The following PIEZO1 variants were observed in gnomAD, a reference collection of about 807,000 sequenced individuals.
The protein encoded by PIEZO1 is piezo-type mechanosensitive ion channel component 1.
PIEZO1 carries 296 observed loss-of-function variants against 297.2 expected under a neutral mutation model. That is an observed-to-expected ratio of 1.00 (90% CI 0.91 to 1.10). The LOEUF (loss-of-function observed/expected upper bound fraction) is 1.10, where lower values mean the gene tolerates loss of function less well. Ranked by LOEUF, PIEZO1 falls within the 50% of genes least tolerant of loss-of-function variation. The pLI, the probability that PIEZO1 is intolerant of heterozygous loss-of-function variation, is 0.00. For synonymous variants in PIEZO1, 2,427 were observed against 1,507.5 expected, an observed-to-expected ratio of 1.61 and a Z score of -14.13; for missense variants, 5,018 against 3,455.5, an observed-to-expected ratio of 1.45 and a Z score of -11.34.
rs947713031 is a variant in PIEZO1, at chr16:88,734,353, C to A, written c.2180+3G>T. Reference sequence around the variant, plus strand: ...GGGCCGGACAGGGAGGGCGGGGCCGCACCTGTGAGCCCAGCGCGGGAGGCG... The same window carrying A: ...GGGCCGGACAGGGAGGGCGGGGCCGAACCTGTGAGCCCAGCGCGGGAGGCG... On this transcript the variant is annotated splice_donor_region_variant and intron_variant, in intron 16 of 50. Coordinates refer to ENST00000301015, the MANE Select transcript of PIEZO1 (RefSeq NM_001142864.4). The A allele has an allele frequency of 1.3e-6, 2 of 1,520,492 alleles. No individual in the cohort carries two copies. Among genetic ancestry groups the A allele is most frequent in the Non-Finnish European group, 8.8e-7 (1 of 1,130,680 alleles). The allele number at this position is 1,520,492 out of a possible 1,614,324, so 94.2% of individuals were successfully genotyped here.
rs1912494566 is a variant in PIEZO1 at position 88,721,986 on chromosome 16, A to G, written c.5036T>C (p.Val1679Ala). ...QGRALRLLRAVYQCVAAHSEL... is the reference protein window; with the variant it reads ...QGRALRLLRAAYQCVAAHSEL... ...CGAGTGGGCGGCCACACACTGGTAC[A>G]CGGCCCGCAGCAGCCGCAGCGCCCG... Residue 1679 changes from valine to alanine, a missense_variant, in exon 37 of 51, where the codon GTG (valine) becomes GCG (alanine). Coordinates refer to ENST00000301015, the MANE Select transcript of PIEZO1 (RefSeq NM_001142864.4). The G allele has an allele frequency of 6.5e-7, 1 of 1,549,754 alleles. No homozygotes were observed. Among genetic ancestry groups the G allele is most frequent in the South Asian group, 1.2e-5 (1 of 84,042 alleles).
chr16:88,722,337 G>C lies in PIEZO1; in HGVS notation c.4836C>G (p.Ser1612Arg). The change falls in exon 36 of 51, where the codon AGC (serine) becomes AGG (arginine). Residue 1612 changes from serine to arginine, a missense_variant. Ser to Arg is a moderately radical substitution (Grantham distance 110). Coordinates refer to ENST00000301015, the MANE Select transcript of PIEZO1 (RefSeq NM_001142864.4). The stretch of plus-strand genomic sequence containing the variant: ...TGCCACTGCGCGTGTGGTAGCCGGT[G>C]CTCAGGGGGCTGCCCATGTCGTCTG... ...SMTDDMGSPL[S>R]TGYHTRSGSE... 1 of 1,540,514 alleles carries C rather than the reference G, an allele frequency of 6.5e-7. No homozygotes were observed. The highest frequency in any genetic ancestry group is 1.7e-4 in the Middle Eastern group (1 of 5,952).
chr16:88,765,966 C>G (rs545940622), intron 1 of PIEZO1, among the ~76,000 whole-genome samples: 300 of 152,226 alleles, frequency 2.0e-3, no homozygotes, highest in Non-Finnish European at 3.5e-3. Flanking sequence ...GAGCACTGCA[C>G]CCGGCCGCTA....
Position 88,731,991 on chromosome 16 carries a change from G to A in PIEZO1, c.2992-81C>T, listed in dbSNP as rs539445849. 9.2e-5 allele frequency: 28 copies of A among 304,878 alleles called. No homozygotes were observed. The East Asian group carries it at 1.2e-3, about 13-fold the overall frequency. 18.9% of individuals were successfully genotyped at this position (304,878 alleles called of 1,614,324 possible). A position where few individuals can be genotyped will look rare whatever the true frequency, so the allele number is the denominator to read the frequency against. On this transcript the variant is annotated intron_variant, in intron 21 of 50. Coordinates refer to ENST00000301015, the MANE Select transcript of PIEZO1 (RefSeq NM_001142864.4). ...TTCTTGTCCCACCCAGCAGGCCTCA[G>A]GCTTGCAGCAGCCCTGCCTGGAGGC...
chr16:88,748,990 C>G (rs1366113120), intron 2 of PIEZO1, among the ~76,000 whole-genome samples: 1 of 145,136 alleles, frequency 6.9e-6, no homozygotes, highest in Non-Finnish European at 1.5e-5. Context: ...GTAATCCCAG[C>G]ACTTTGGGAG....
rs1385031356 is a variant in PIEZO1 at position 88,759,176 on chromosome 16, A to C, written c.65-9697T>G. Among the ~76,000 whole-genome samples, 3 of 152,268 alleles carry C rather than the reference A, an allele frequency of 2.0e-5. No individual in the cohort carries two copies. In the East Asian group the frequency reaches 5.8e-4, roughly 29 times the overall value. On this transcript the variant is annotated intron_variant, in intron 1 of 50. Transcript: ENST00000301015. ...CTTGGTCCAACCTTCCTCTCATCAA[A>C]GGAAACAGAAGCTGGGAAGGACATC... is the stretch of plus-strand genomic sequence containing the variant.
Position 88,722,351 on chromosome 16 carries a change from C to T in PIEZO1, c.4822G>A (p.Gly1608Ser). The T allele has an allele frequency of 1.3e-6, 2 of 1,533,548 alleles. No homozygotes were observed. The highest frequency in any genetic ancestry group is 1.8e-6 in the Non-Finnish European group (2 of 1,138,650). 95.0% of individuals were successfully genotyped at this position (1,533,548 alleles called of 1,614,324 possible). A position where few individuals can be genotyped will look rare whatever the true frequency, so the allele number is the denominator to read the frequency against. ...EPLSSMTDDM[G>S]SPLSTGYHTR... is the part of the protein sequence containing the mutation. ...TGGTAGCCGGTGCTCAGGGGGCTGC[C>T]CATGTCGTCTGTCATGCTGCTGAGT... The change falls in exon 36 of 51, where the codon GGC becomes AGC. Residue 1608 changes from glycine (G) to serine (S), a missense_variant. Coordinates refer to ENST00000301015, the MANE Select transcript of PIEZO1 (RefSeq NM_001142864.4).
chr16:88,768,520 T>G (rs1228935668), intron 1 of PIEZO1, among the ~76,000 whole-genome samples: 1 of 152,184 alleles, frequency 6.6e-6, no homozygotes, highest in Non-Finnish European at 1.5e-5. Context: ...TATGGAAAAC[T>G]AATCCAATTC....
chr16:88,784,853 G>C (rs1373079219), intron 1 of PIEZO1, 48 bp downstream of exon 1: 1 of 1,320,510 alleles, frequency 7.6e-7, no homozygotes, highest in African/African-American at 1.5e-5. Context: ...GTGGGGAGCC[G>C]AGACGCAGCC....
Position 88,732,484 on chromosome 16 carries a change from G to C in PIEZO1, c.2842C>G (p.Arg948Gly). 6.5e-7 allele frequency: 1 copy of C among 1,549,164 alleles called. No individual in the cohort carries two copies. Among genetic ancestry groups the C allele is most frequent in the Non-Finnish European group, 8.7e-7 (1 of 1,146,140 alleles). Residue 948 changes from arginine to glycine, a missense_variant, in exon 21 of 51, where the codon CGC (arginine) becomes GGC (glycine). Transcript: ENST00000301015. ...LLVFEAIVYRRQEHYRRQHQL... is the reference protein window; with the variant it reads ...LLVFEAIVYRGQEHYRRQHQL... ...TGCTGCCGGCGGTAGTGCTCCTGGCGCCGGTACACGATGGCCTCGAATACC... is the reference window on the plus strand; with the variant it reads ...TGCTGCCGGCGGTAGTGCTCCTGGCCCCGGTACACGATGGCCTCGAATACC...
Position 88,725,687 on chromosome 16 carries a change from G to T in PIEZO1, c.3969-3C>A. 2.0e-6 allele frequency: 3 copies of T among 1,502,640 alleles called. No homozygotes were observed. The highest frequency in any genetic ancestry group is 9.1e-7 in the Non-Finnish European group (1 of 1,103,672). The allele number at this position is 1,502,640 out of a possible 1,614,324, so 93.1% of individuals were successfully genotyped here. A position where few individuals can be genotyped will look rare whatever the true frequency, so the allele number is the denominator to read the frequency against. ...CAGCGTTGTAGAGGGCGAAGCCCCT[G>T]TAGGGAGGCGGGGATGGGGTGTGAG... On this transcript the variant is annotated splice_polypyrimidine_tract_variant and splice_region_variant and intron_variant, in intron 27 of 50. Transcript: ENST00000301015.
chr16:88,715,991 T>C lies in PIEZO1; in HGVS notation c.7258A>G (p.Met2420Val). 3 of 1,550,110 alleles carry C rather than the reference T, an allele frequency of 1.9e-6. No individual in the cohort carries two copies. The highest frequency in any genetic ancestry group is 1.2e-5 in the South Asian group (1 of 84,062). Residue 2420 changes from methionine to valine, a missense_variant, in exon 50 of 51, where the codon ATG becomes GTG. Met to Val is a conservative substitution (Grantham distance 21). Coordinates refer to ENST00000301015, the MANE Select transcript of PIEZO1 (RefSeq NM_001142864.4). The stretch of plus-strand genomic sequence containing the variant: ...CTGACCTTGTCACTGAAAATGACCA[T>C]GGGCAGCAGGTTGCAGTCGGTCCGG... ...ECRTDCNLLP[M>V]VIFSDKVSPP...
intron 1 of PIEZO1, among the ~76,000 whole-genome samples, chr16:88,776,262 G>A (rs534486792): frequency 3.9e-5 from 6 of 152,222 alleles, no homozygotes; most frequent in Admixed American, 1.3e-4. Flanking sequence ...GTGAAACCCC[G>A]TCTCTACTAA....
At chr16:88,781,599 A>G (rs1907940881) in intron 1 of PIEZO1, among the ~76,000 whole-genome samples, 1 of 152,226 alleles carries the variant, frequency 6.6e-6, no homozygotes. Context: ...AGAGGAAAGC[A>G]GCTCCCACCC....
rs759480770 is a variant in PIEZO1 at position 88,749,454 on chromosome 16, G to T, written c.90C>A (p.Leu30=). 19 of 1,525,520 alleles carry T rather than the reference G, an allele frequency of 1.2e-5. No homozygotes were observed. Among genetic ancestry groups the T allele is most frequent in the African/African-American group, 4.2e-5 (3 of 72,214 alleles). The allele number at this position is 1,525,520 out of a possible 1,614,324, so 94.5% of individuals were successfully genotyped here. Residue 30 remains leucine (L), a synonymous_variant, in exon 2 of 51, where the codon CTC becomes CTA. Transcript: ENST00000301015. ...GCAGGAAGAGCAGGTAGACCAGCGA[G>T]AGTCCGCTGAAGCGGAGCAGGCAGG... ...LAACLLRFSG[L]SLVYLLFLLL...
chr16:88,753,492 A>G (rs1906503927), intron 1 of PIEZO1, among the ~76,000 whole-genome samples: 1 of 151,734 alleles, frequency 6.6e-6, no homozygotes, highest in East Asian at 1.9e-4. Flanking sequence ...AGCCCAGCCC[A>G]CCACTTCTCC....
In PIEZO1 at chr16:88,716,860, G is replaced by T. The variant is rs1912078332; in HGVS notation, c.6699C>A (p.Ile2233=). ...CCTCATAGGCCTGGGCCGTGAAGGG[G>T]ATGATGGACGGCTGCTGGGCGCTCA... ...FTMSAQQPSI[I]PFTAQAYEEL... The change falls in exon 46 of 51, where the codon ATC becomes ATA. Residue 2233 remains isoleucine (I), a synonymous_variant. Coordinates refer to ENST00000301015, the MANE Select transcript of PIEZO1 (RefSeq NM_001142864.4). 2 of 1,550,086 alleles carry T rather than the reference G, an allele frequency of 1.3e-6. No homozygotes were observed. Among genetic ancestry groups the T allele is most frequent in the Middle Eastern group, 1.7e-4 (1 of 5,988 alleles).
chr16:88,743,970 G>T (rs905647890), intron 2 of PIEZO1: 6 of 273,838 alleles, frequency 2.2e-5, no homozygotes, highest in African/African-American at 8.9e-5. Flanking sequence ...CCACCAGGGG[G>T]TGCTGTGCAG....
At position 88,784,921 on chromosome 16, in the gene PIEZO1, A is replaced by G; in HGVS notation, c.44T>C (p.Leu15Pro). The G allele has an allele frequency of 7.0e-7, 1 of 1,433,824 alleles. No individual in the cohort carries two copies. Among genetic ancestry groups the G allele is most frequent in the Non-Finnish European group, 9.2e-7 (1 of 1,091,174 alleles). The allele number at this position is 1,433,824 out of a possible 1,614,324, so 88.8% of individuals were successfully genotyped here. A position where few individuals can be genotyped will look rare whatever the true frequency, so the allele number is the denominator to read the frequency against. The change falls in exon 1 of 51, where the codon CTG becomes CCG. Residue 15 changes from leucine to proline, a missense_variant. Coordinates refer to ENST00000301015, the MANE Select transcript of PIEZO1 (RefSeq NM_001142864.4). Reference protein sequence around the residue: ...VLGAVLYWLLLPCALLAACLL... With the variant: ...VLGAVLYWLLPPCALLAACLL... ...CTCACCAGCCAGCAGCGCGCAGGGCAGCAGCAGCCAGTACAGGACCGCGCC... is the reference window on the plus strand; with the variant it reads ...CTCACCAGCCAGCAGCGCGCAGGGCGGCAGCAGCCAGTACAGGACCGCGCC...
Sources: gnomAD v4.1 joint callset for allele counts (sites outside exome capture counted in the v4.1 genomes callset) on GRCh38, gnomAD v4.1.1 for gene constraint, MANE v1.5 for transcripts, NCBI Gene and HGNC (gene_info 2026-07-23, HGNC 2026-07-21) for gene names.